Variants in LIMK1 observed in about 807,000 individuals in gnomAD.
LIMK1 encodes LIM domain kinase 1, also known as LIM motif-containing protein kinase.
In LIMK1, 21 loss-of-function variants were observed where a neutral mutation model predicts 77.6. That is an observed-to-expected ratio of 0.27 (90% CI 0.19 to 0.39). LIMK1 has a LOEUF of 0.39. LIMK1 is among the 10% of genes least tolerant of loss of function. The probability of loss-of-function intolerance (pLI) is 1.00; values close to 1 mark genes in which losing one functional copy is unlikely to be tolerated. For synonymous variants in LIMK1, 358 were observed against 370.0 expected (o/e 0.97, Z 0.37); for missense variants, 696 against 901.6 (o/e 0.77, Z 2.92).
chr7:74,114,402 A>G (rs1030368244), intron 12 of LIMK1, among the ~76,000 whole-genome samples: 3 of 151,880 alleles, frequency 2.0e-5, no homozygotes, highest in African/African-American at 7.2e-5. Context: ...AAATTAAAAA[A>G]TTAGCTGGCA....
At chr7:74,103,753 G>A (rs1338940982) in intron 5 of LIMK1, among the ~76,000 whole-genome samples, 1 of 152,048 alleles carries the variant, frequency 6.6e-6, no homozygotes, top group Non-Finnish European at 1.5e-5. Context: ...ATTTGTTACT[G>A]TAAGGAAGAG....
intron 5 of LIMK1, among the ~76,000 whole-genome samples, chr7:74,100,911 T>C (rs1421724699): frequency 2.0e-5 from 3 of 150,770 alleles, no homozygotes; most frequent in African/African-American, 7.3e-5. Context: ...AATTTTTTTT[T>C]TATATTTAGT....
chr7:74,108,490 CA>C (rs1431858335), intron 9 of LIMK1, among the ~76,000 whole-genome samples: 1 of 151,816 alleles, frequency 6.6e-6, no homozygotes, highest in East Asian at 1.9e-4. Flanking sequence ...ACTAAAAATA[CA>C]AAAATTAGCC....
At chr7:74,097,248 G>A in intron 4 of LIMK1, 59 bp downstream of exon 4, 7 of 1,135,184 alleles carry the variant, frequency 6.2e-6, no homozygotes, top group South Asian at 1.5e-5. Context: ...AGATCTGCAA[G>A]GGTGCTGACT....
chr7:74,114,575 C>G (rs1554699108), intron 12 of LIMK1, among the ~76,000 whole-genome samples: 1 of 148,830 alleles, frequency 6.7e-6, no homozygotes, highest in East Asian at 2.0e-4. Context: ...AAAAATCAAA[C>G]CCGAAAAGCA....
At position 74,115,878 on chromosome 7, in the gene LIMK1, G is replaced by A. The variant is rs782048518; in HGVS notation, c.1487G>A (p.Arg496Gln). 34 of 1,614,030 alleles carry A rather than the reference G, an allele frequency of 2.1e-5. No homozygotes were observed. The East Asian group carries it at 6.7e-4, about 32-fold the overall frequency. ...VDEKTQPEGL[R>Q]SLKKPDRKKR... ...GAGAAGACTCAGCCTGAGGGCCTGC[G>A]GAGCCTCAAGAAGCCAGACCGCAAG... The change falls in exon 13 of 16, where the codon CGG (arginine) becomes CAG (glutamine). Residue 496 changes from arginine (R) to glutamine (Q), a missense_variant. Arg to Gln is a conservative substitution (Grantham distance 43). This residue lies in a region of LIMK1 where 438 missense variants were observed against 602.3 expected (regional missense o/e 0.73). Coordinates refer to ENST00000336180, the MANE Select transcript of LIMK1 (RefSeq NM_002314.4).
intron 13 of LIMK1, among the ~76,000 whole-genome samples, chr7:74,118,421 C>CAT (rs1323359056): frequency 7.1e-6 from 1 of 140,042 alleles, no homozygotes; most frequent in Non-Finnish European, 1.6e-5. Context: ...CACACACACA[C>CAT]ACACAGAGTT....
At chr7:74,093,496 C>T (rs1554695099) in intron 2 of LIMK1, among the ~76,000 whole-genome samples, 1 of 152,206 alleles carries the variant, frequency 6.6e-6, no homozygotes, top group Non-Finnish European at 1.5e-5. Context: ...CCCATGAGGC[C>T]GGTCCTCCAC....
chr7:74,113,200 T>C (rs1167016386), intron 12 of LIMK1, among the ~76,000 whole-genome samples: 4 of 151,992 alleles, frequency 2.6e-5, no homozygotes, highest in Admixed American at 2.6e-4. Context: ...GGCATAAGCC[T>C]ATGGTCCCAA....
At chr7:74,093,312 C>G (rs767393258) in intron 2 of LIMK1, 139 of 1,535,738 alleles carry the variant, frequency 9.1e-5, no homozygotes, top group Non-Finnish European at 1.1e-4. Context: ...AAGTGGGAAT[C>G]CCCCTCCCTA....
Position 74,108,963 on chromosome 7 carries a change from A to G in LIMK1, c.1211A>G (p.Tyr404Cys). Residue 404 changes from tyrosine (Y) to cysteine (C), a missense_variant, in exon 10 of 16, where the codon TAC becomes TGC. Transcript: ENST00000336180. ...PNVLKFIGVL[Y>C]KDKRLNFITE... ...GTGCTCAAGTTCATCGGGGTGCTCT[A>G]CAAGGACAAGAGGCTCAACTTCATC... 1 of 1,614,132 alleles carries G rather than the reference A, an allele frequency of 6.2e-7. No homozygotes were observed. The highest frequency in any genetic ancestry group is 8.5e-7 in the Non-Finnish European group (1 of 1,179,994).
At chr7:74,118,012 T>G (rs1799850166) in intron 13 of LIMK1, among the ~76,000 whole-genome samples, 2 of 150,714 alleles carry the variant, frequency 1.3e-5, no homozygotes, top group Admixed American at 6.7e-5. Context: ...GAGAATCACT[T>G]GAACCCAGGA....
chr7:74,098,958 C>T, intron 4 of LIMK1, 74 bp from the exon 5 acceptor site: 2 of 1,187,618 alleles, frequency 1.7e-6, no homozygotes, highest in East Asian at 2.4e-5. Flanking sequence ...GAGCCTGGGG[C>T]TGGGGGCTGC....
rs1190517524 is a variant in LIMK1, at chr7:74,095,594, T to G, written c.153-1028T>G. ...AATTTTTTAATAATTTTTTAAGAGA[T>G]GGGGTCTTACTGTGTTGCCCAGGCT... On this transcript the variant is annotated intron_variant, in intron 2 of 15. Coordinates refer to ENST00000336180, the MANE Select transcript of LIMK1 (RefSeq NM_002314.4). 2.6e-5 allele frequency among the ~76,000 whole-genome samples: 4 copies of G among 152,088 alleles called. No individual in the cohort carries two copies. The South Asian group carries it at 8.3e-4, about 31-fold the overall frequency.
intron 2 of LIMK1, among the ~76,000 whole-genome samples, chr7:74,088,800 T>C (rs1231924513): frequency 1.0e-4 from 8 of 80,250 alleles, no homozygotes; most frequent in African/African-American, 3.1e-4. Flanking sequence ...AGACTCCATC[T>C]CAAAAAAAAA....
At chr7:74,089,690 T>C (rs1236329456) in intron 2 of LIMK1, among the ~76,000 whole-genome samples, 1 of 151,884 alleles carries the variant, frequency 6.6e-6, no homozygotes. Flanking sequence ...TGTGTTGAGC[T>C]GGAGGGGACA....
intron 2 of LIMK1, chr7:74,093,449 C>A: frequency 1.0e-6 from 1 of 980,986 alleles, no homozygotes. Context: ...TGGGAGCAGG[C>A]CACTGCCAAA....
intron 5 of LIMK1, among the ~76,000 whole-genome samples, chr7:74,101,466 C>T (rs1168433708): frequency 3.3e-5 from 5 of 152,158 alleles, no homozygotes; most frequent in African/African-American, 7.2e-5. Flanking sequence ...TATGATGACA[C>T]CATGCATTCC....
intron 2 of LIMK1, among the ~76,000 whole-genome samples, chr7:74,095,968 C>CTTTTTTTTTTTTTTTTTTTTTTTTTTTT (rs869065672): frequency 6.3e-5 from 8 of 127,228 alleles, no homozygotes; most frequent in African/African-American, 9.9e-5. Flanking sequence ...TTTTCTTTTT[C>CTTTTTTTTTTTTTTTTTTTTTTTTTTTT]TTTTTTTTTT....
Sources: allele counts gnomAD v4.1 joint callset (sites outside exome capture counted in the v4.1 genomes callset), GRCh38; gene constraint gnomAD v4.1.1; regional missense constraint gnomAD v4.1.1; transcripts MANE v1.5; gene names NCBI Gene and HGNC (gene_info 2026-07-23, HGNC 2026-07-21).